Variants in GNA15 observed in about 807,000 individuals in gnomAD.
GNA15 encodes the protein G protein subunit alpha 15.
Under a neutral mutation model 40.1 loss-of-function variants are expected in GNA15, and 23 were observed. The observed-to-expected ratio is 0.57, with a 90% CI of 0.41 to 0.81. The LOEUF (loss-of-function observed/expected upper bound fraction) is 0.81. Ranked by LOEUF, GNA15 falls within the 40% of genes least tolerant of loss-of-function variation. The pLI is 0.00. For missense variants in GNA15, 522 were observed against 515.8 expected (o/e 1.01, Z -0.12); for synonymous variants, 226 against 210.4 (o/e 1.07, Z -0.64).
chr19:3,154,534 C>T (rs543951138), intron 4 of GNA15, among the ~76,000 whole-genome samples: 8 of 133,042 alleles, frequency 6.0e-5, no homozygotes, highest in African/African-American at 1.7e-4. Context: ...ATGGGTGGGT[C>T]GGTGGGTGGA....
intron 1 of GNA15, among the ~76,000 whole-genome samples, chr19:3,139,678 T>A (rs1311988813): frequency 6.6e-6 from 1 of 151,012 alleles, no homozygotes; most frequent in East Asian, 1.9e-4. Flanking sequence ...GGTGGGCAGA[T>A]CATGAGGTCA....
chr19:3,140,628 T>C (rs1463790138), intron 1 of GNA15, among the ~76,000 whole-genome samples: 1 of 152,224 alleles, frequency 6.6e-6, no homozygotes, highest in Non-Finnish European at 1.5e-5. Flanking sequence ...TCTCTCCAGC[T>C]ATACAGCAAG....
chr19:3,153,887 G>A (rs114271665), intron 4 of GNA15, among the ~76,000 whole-genome samples: 368 of 151,946 alleles, frequency 2.4e-3, no homozygotes, highest in African/African-American at 8.6e-3. Flanking sequence ...ATGGATGAGT[G>A]GATGGGGGTG....
intron 1 of GNA15, chr19:3,142,944 A>G (rs894067020): frequency 6.6e-6 from 1 of 152,156 alleles, no homozygotes; most frequent in Non-Finnish European, 1.5e-5. Context: ...CAATTGGGGG[A>G]CAGGAGCTCA....
chr19:3,161,648 T>C, intron 6 of GNA15, among the ~76,000 whole-genome samples: 1 of 152,158 alleles, frequency 6.6e-6, no homozygotes, highest in Admixed American at 6.6e-5. Flanking sequence ...AGGTAGATAT[T>C]TTTTTCATTC....
At position 3,136,739 on chromosome 19, in the gene GNA15, G is replaced by A. The variant is rs1914467535; in HGVS notation, c.145+144G>A. 2 of 758,790 alleles carry A rather than the reference G, an allele frequency of 2.6e-6. No individual in the cohort carries two copies. Among genetic ancestry groups the A allele is most frequent in the Admixed American group, 2.9e-5 (1 of 34,738 alleles). The allele number at this position is 758,790 out of a possible 1,614,324, so 47.0% of individuals were successfully genotyped here. ...CCTCCTCCCAGGGAATGGGGAGCCTGGAACCCATTTTCCAGATGAGAAAGA... is the reference window on the plus strand; with the variant it reads ...CCTCCTCCCAGGGAATGGGGAGCCTAGAACCCATTTTCCAGATGAGAAAGA... On this transcript the variant is annotated intron_variant, in intron 1 of 6. Transcript: ENST00000262958. This position sits in a 1 kb window ranked among gnomAD's most constrained non-coding sequence, Gnocchi z 4.9.
intron 1 of GNA15, among the ~76,000 whole-genome samples, chr19:3,146,099 C>G (rs1016449767): frequency 3.3e-5 from 5 of 152,140 alleles, no homozygotes; most frequent in Non-Finnish European, 7.4e-5. Flanking sequence ...AACCAAGCCA[C>G]TCCTTCCCTT....
Position 3,155,697 on chromosome 19 carries a change from G to C in GNA15, c.615-126G>C. ...CGCGGGAATGACATGGCAAATCCAC[G>C]AGAGGCTAGCACCTATTCTTGCTGT... is the stretch of plus-strand genomic sequence containing the variant. On this transcript the variant is annotated intron_variant, in intron 4 of 6. Coordinates refer to ENST00000262958, the MANE Select transcript of GNA15 (RefSeq NM_002068.4). The surrounding 1 kb of genome is among the most constrained non-coding windows in gnomAD (Gnocchi z 5.6). 10 of 1,101,350 alleles carry C rather than the reference G, an allele frequency of 9.1e-6. No homozygotes were observed. The allele number at this position is 1,101,350 out of a possible 1,614,324, so 68.2% of individuals were successfully genotyped here. A position where few individuals can be genotyped will look rare whatever the true frequency, so the allele number is the denominator to read the frequency against.
intron 2 of GNA15, chr19:3,149,202 T>G: frequency 5.6e-6 from 1 of 179,446 alleles, no homozygotes; most frequent in Non-Finnish European, 1.2e-5. Flanking sequence ...CACACACAAA[T>G]GTACACACTC....
intron 6 of GNA15, among the ~76,000 whole-genome samples, chr19:3,159,784 G>C (rs137878789): frequency 6.2e-4 from 94 of 152,276 alleles, no homozygotes; most frequent in African/African-American, 2.1e-3. Flanking sequence ...TATGAATCAA[G>C]ACACGTACAA....
intron 1 of GNA15, among the ~76,000 whole-genome samples, chr19:3,142,776 G>A (rs2144842393): frequency 6.6e-6 from 1 of 152,330 alleles, no homozygotes. Flanking sequence ...GGAGGCTGAG[G>A]CAGGAGAATC....
At chr19:3,159,091 C>T (rs1469293819) in intron 6 of GNA15, among the ~76,000 whole-genome samples, 1 of 152,076 alleles carries the variant, frequency 6.6e-6, no homozygotes, top group East Asian at 1.9e-4. Context: ...GTGGCGCAAT[C>T]TCAGCTCACT....
intron 1 of GNA15, among the ~76,000 whole-genome samples, chr19:3,144,078 C>T (rs1196221061): frequency 3.3e-5 from 5 of 149,438 alleles, no homozygotes; most frequent in African/African-American, 7.5e-5. Flanking sequence ...GAGCCGAGAT[C>T]GCGACACTGC....
chr19:3,156,039 T>A, intron 5 of GNA15, 87 bp downstream of exon 5: 1 of 1,300,264 alleles, frequency 7.7e-7, no homozygotes, highest in Non-Finnish European at 1.1e-6. Context: ...AAGGGAGGGA[T>A]CCCTGCTCTT....
At position 3,136,609 on chromosome 19, in the gene GNA15, C is replaced by T. The variant is rs754663163; in HGVS notation, c.145+14C>T. 77 of 1,333,168 alleles carry T rather than the reference C, an allele frequency of 5.8e-5. No individual in the cohort carries two copies. Among genetic ancestry groups the T allele is most frequent in the Middle Eastern group, 2.5e-4 (1 of 4,066 alleles). The allele number at this position is 1,333,168 out of a possible 1,614,324, so 82.6% of individuals were successfully genotyped here. A position where few individuals can be genotyped will look rare whatever the true frequency, so the allele number is the denominator to read the frequency against. ...TGCTGCTTTTGGGTGAGTCCAGGGT[C>T]GGTGGGCGGTGGGTGGTGGGCAGTG... is the stretch of plus-strand genomic sequence containing the variant. On this transcript the variant is annotated intron_variant, in intron 1 of 6. Transcript: ENST00000262958. The surrounding 1 kb of genome is among the most constrained non-coding windows in gnomAD (Gnocchi z 4.9).
At chr19:3,143,584 T>C (rs1682796) in intron 1 of GNA15, among the ~76,000 whole-genome samples, 135,800 of 152,070 alleles carry the variant, frequency 0.89, 60,713 homozygotes, top group African/African-American at 0.92. Flanking sequence ...ACCCATGAGG[T>C]GGAGGTTGCA....
At chr19:3,142,304 G>A (rs1255857432) in intron 1 of GNA15, 1 of 152,242 alleles carries the variant, frequency 6.6e-6, no homozygotes, top group Non-Finnish European at 1.5e-5. Context: ...AGAATCCTTT[G>A]TGGCTTCAGG....
chr19:3,155,998 C>A lies in GNA15; in HGVS notation c.744+46C>A. ...CCCTGCCCACTTGTTGGCCCAGGGA[C>A]CCTCACCTGAGCAGGAAGCTCTGGT... On this transcript the variant is annotated intron_variant, in intron 5 of 6. Coordinates refer to ENST00000262958, the MANE Select transcript of GNA15 (RefSeq NM_002068.4). This position sits in a 1 kb window ranked among gnomAD's most constrained non-coding sequence, Gnocchi z 5.6. 6.3e-7 allele frequency: 1 copy of A among 1,585,604 alleles called. No homozygotes were observed. The highest frequency in any genetic ancestry group is 1.1e-5 in the South Asian group (1 of 89,762).
chr19:3,163,462 C>A lies in GNA15; in HGVS notation c.*443C>A, dbSNP rs150100748. The A allele has an allele frequency of 2.1e-3, 400 of 192,898 alleles. 2 individuals are homozygous for A. The highest frequency in any genetic ancestry group is 9.0e-3 in the African/African-American group (386 of 42,680). The allele number at this position is 192,898 out of a possible 1,614,324, so 11.9% of individuals were successfully genotyped here. On this transcript the variant is annotated 3_prime_UTR_variant, in exon 7 of 7. Coordinates refer to ENST00000262958, the MANE Select transcript of GNA15 (RefSeq NM_002068.4). ...CTTCGGGCGTGGACTCTGGCGCACTCTAGTGGACAGGAGAAGGAACGCCTT... is the reference window on the plus strand; with the variant it reads ...CTTCGGGCGTGGACTCTGGCGCACTATAGTGGACAGGAGAAGGAACGCCTT...
Sources: gnomAD v4.1 joint callset for allele counts (sites outside exome capture counted in the v4.1 genomes callset) on GRCh38, gnomAD v4.1.1 for gene constraint, Gnocchi (gnomAD v3.1) non-coding constraint, MANE v1.5 for transcripts, NCBI Gene and HGNC (gene_info 2026-07-23, HGNC 2026-07-21) for gene names.